Variants in NOTCH1 observed in about 807,000 individuals in gnomAD.
NOTCH1 encodes notch receptor 1.
Under a neutral mutation model 254.8 loss-of-function variants are expected in NOTCH1, and 37 were observed. The observed-to-expected ratio is 0.15, with a 90% CI of 0.11 to 0.19. The LOEUF (loss-of-function observed/expected upper bound fraction) is 0.19, where lower values mean the gene tolerates loss of function less well. Ranked by LOEUF, NOTCH1 falls within the 10% of genes least tolerant of loss-of-function variation. NOTCH1 has a pLI of 1.00. For synonymous variants in NOTCH1, 1,731 were observed against 1,618.1 expected, an observed-to-expected ratio of 1.07 and a Z score of -1.68; for missense variants, 2,972 against 3,708.6, an observed-to-expected ratio of 0.80 and a Z score of 5.16.
rs1406056612 is a variant in NOTCH1 at position 136,506,785 on chromosome 9, C to T, written c.3832G>A (p.Ala1278Thr). The change falls in exon 23 of 34, where the codon GCC becomes ACC. Residue 1278 changes from alanine (A) to threonine (T), a missense_variant. This residue lies in a region of NOTCH1 where 1,343 missense variants were observed against 1,557.0 expected (regional missense o/e 0.86). Coordinates refer to ENST00000651671, the MANE Select transcript of NOTCH1 (RefSeq NM_017617.5). The surrounding 1 kb of genome is among the most constrained non-coding windows in gnomAD (Gnocchi z 4.5). ...TGCACGCAGTTCTGGGTGCCACGGG[C>T]GTCGCAGGGATTGGACAGGCACTCG... ...VNECLSNPCD[A>T]RGTQNCVQRV... The T allele has an allele frequency of 6.2e-6, 10 of 1,610,498 alleles. No individual in the cohort carries two copies. Among genetic ancestry groups the T allele is most frequent in the South Asian group, 2.2e-5 (2 of 90,654 alleles).
In NOTCH1 at chr9:136,504,808, T is replaced by A. The variant is rs1317762745; in HGVS notation, c.4883A>T (p.Lys1628Met). ...CTCGGCGGCACGCTTGATGGGGTGCTTGCGCAGCTCCTCCTCGCGGCCGTA... is the reference window on the plus strand; with the variant it reads ...CTCGGCGGCACGCTTGATGGGGTGCATGCGCAGCTCCTCCTCGCGGCCGTA... ...PYYGREEELR[K>M]HPIKRAAEGW... is the part of the protein sequence containing the mutation. Residue 1628 changes from lysine (K) to methionine (M), a missense_variant, in exon 26 of 34, where the codon AAG (lysine) becomes ATG (methionine). Lys to Met is a moderately conservative substitution (Grantham distance 95). This residue lies in a region of NOTCH1 where 1,343 missense variants were observed against 1,557.0 expected (regional missense o/e 0.86). Coordinates refer to ENST00000651671, the MANE Select transcript of NOTCH1 (RefSeq NM_017617.5). 2.6e-6 allele frequency: 4 copies of A among 1,563,720 alleles called. No individual in the cohort carries two copies. Among genetic ancestry groups the A allele is most frequent in the Non-Finnish European group, 3.5e-6 (4 of 1,154,534 alleles).
intron 19 of NOTCH1, 107 bp downstream of exon 19, chr9:136,508,763 G>T: frequency 8.7e-7 from 1 of 1,155,876 alleles, no homozygotes; most frequent in Non-Finnish European, 1.2e-6. Context: ...GTGTGGGGGT[G>T]ACCCCGAGCC....
Position 136,522,926 on chromosome 9 carries a change from G to A in NOTCH1, c.666C>T (p.Cys222=), listed in dbSNP as rs764758073. The A allele has an allele frequency of 3.2e-6, 5 of 1,550,178 alleles. No homozygotes were observed. The East Asian group carries it at 9.7e-5, about 30-fold the overall frequency. Residue 222 remains cysteine (C), a synonymous_variant, in exon 4 of 34, where the codon TGC becomes TGT. Transcript: ENST00000651671. ...CCCCGTTCTGGCAGGGCGAGGGGCT[G>A]CAGGGCACGTAGGGCCGCTCGCAGT... ...GPNCERPYVP[C]SPSPCQNGGT...
rs11574889 is a variant in NOTCH1 at position 136,516,015 on chromosome 9, G to A, written c.1635C>T (p.Asp545=). The A allele has an allele frequency of 0.01, 16,616 of 1,611,970 alleles. 98 individuals carry two copies. Among genetic ancestry groups the A allele is most frequent in the Non-Finnish European group, 0.012 (14,380 of 1,179,812 alleles). ...TPCKNGAKCL[D]GPNTYTCVCT... is the part of the protein sequence containing the mutation. ...ACACACAGGTGTAAGTGTTGGGTCC[G>A]TCCAGGCACTTGGCACCATTCTTGC... The change falls in exon 10 of 34, where the codon GAC becomes GAT. Residue 545 remains aspartate (D), a synonymous_variant. Transcript: ENST00000651671.
At chr9:136,518,009 C>A (rs2133369382) in intron 7 of NOTCH1, 72 bp from the exon 8 acceptor site, 1 of 1,583,396 alleles carries the variant, frequency 6.3e-7, no homozygotes, top group Non-Finnish European at 8.5e-7. Flanking sequence ...GCACACCACC[C>A]CCATCGGACT....
chr9:136,536,744 C>A (rs1309581185), intron 2 of NOTCH1, among the ~76,000 whole-genome samples: 1 of 152,228 alleles, frequency 6.6e-6, no homozygotes, highest in African/African-American at 2.4e-5. Flanking sequence ...GCAGTGACTA[C>A]CCCTAGCTTG....
chr9:136,525,057 C>T (rs1589073492), intron 2 of NOTCH1, among the ~76,000 whole-genome samples: 1 of 152,200 alleles, frequency 6.6e-6, no homozygotes, highest in Admixed American at 6.5e-5. Flanking sequence ...CCCCCAGACA[C>T]GTTTCCCTTT....
chr9:136,504,361 G>A (rs1267647754), intron 26 of NOTCH1, among the ~76,000 whole-genome samples: 1 of 152,224 alleles, frequency 6.6e-6, no homozygotes, highest in African/African-American at 2.4e-5. Context: ...AATCAGTGTA[G>A]TATCCAGTGC....
chr9:136,518,507 G>T, intron 6 of NOTCH1, 84 bp downstream of exon 6: 2 of 1,320,742 alleles, frequency 1.5e-6, no homozygotes, highest in Non-Finnish European at 2.1e-6. Context: ...GGTGCAGGAG[G>T]GCCACAGTCC....
At chr9:136,531,152 C>T (rs1270492215) in intron 2 of NOTCH1, among the ~76,000 whole-genome samples, 1 of 152,240 alleles carries the variant, frequency 6.6e-6, no homozygotes, top group African/African-American at 2.4e-5. Context: ...CCGGCACACA[C>T]CAGCCCAGCA....
intron 4 of NOTCH1, among the ~76,000 whole-genome samples, chr9:136,521,181 C>A (rs1460904560): frequency 6.6e-6 from 1 of 152,150 alleles, no homozygotes; most frequent in Non-Finnish European, 1.5e-5. Flanking sequence ...GTCTGGCAGG[C>A]CTGAGTCATT....
chr9:136,517,574 C>T (rs1233894785), intron 8 of NOTCH1, among the ~76,000 whole-genome samples, 178 bp downstream of exon 8: 1 of 152,182 alleles, frequency 6.6e-6, no homozygotes, highest in Non-Finnish European at 1.5e-5. Context: ...TAGCACTGCC[C>T]CCGTGCTCTG....
At position 136,514,615 on chromosome 9, in the gene NOTCH1, G is replaced by T; in HGVS notation, c.2102C>A (p.Thr701Asn). Residue 701 changes from threonine to asparagine, a missense_variant, in exon 13 of 34, where the codon ACC (threonine) becomes AAC (asparagine). Thr to Asn is a moderately conservative substitution (Grantham distance 65, BLOSUM62 0). Around this residue, in one of 8 missense-constraint regions of NOTCH1, gnomAD observed 1,343 missense variants for 1,557.0 expected, o/e 0.86. Transcript: ENST00000651671. ...GTGGTAGCCCTCGGGGCAGCGGCAG[G>T]TGAAGCCATTGATGCCGTCCTCGCA... ...GTCEDGINGF[T>N]CRCPEGYHDP... 1.9e-6 allele frequency: 3 copies of T among 1,610,906 alleles called. No homozygotes were observed. Among genetic ancestry groups the T allele is most frequent in the Non-Finnish European group, 2.5e-6 (3 of 1,179,388 alleles).
intron 2 of NOTCH1, among the ~76,000 whole-genome samples, chr9:136,541,878 T>A (rs1263724488): frequency 6.6e-6 from 1 of 152,120 alleles, no homozygotes; most frequent in African/African-American, 2.4e-5. Flanking sequence ...GTGTGCACAA[T>A]GGGGTCTCTG....
intron 3 of NOTCH1, among the ~76,000 whole-genome samples, 180 bp downstream of exon 3, chr9:136,523,537 A>G (rs765100491): frequency 4.6e-5 from 7 of 152,164 alleles, no homozygotes; most frequent in Non-Finnish European, 1.0e-4. Context: ...GGCCAGAGCA[A>G]GCAGCTGAAA....
intron 33 of NOTCH1, 98 bp downstream of exon 33, chr9:136,498,801 G>T (rs1589054285): frequency 7.1e-7 from 1 of 1,409,006 alleles, no homozygotes; most frequent in Non-Finnish European, 1.0e-6. Context: ...AGACCCTGTG[G>T]GTCAGGCCCT....
At chr9:136,518,360 G>A in intron 6 of NOTCH1, 68 bp from the exon 7 acceptor site, 2 of 1,548,094 alleles carry the variant, frequency 1.3e-6, no homozygotes, top group South Asian at 1.2e-5. Flanking sequence ...CCACGGCTGG[G>A]GTCCAACCCC....
rs375349485 is a variant in NOTCH1 at position 136,515,544 on chromosome 9, G to A, written c.1842C>T (p.His614=). ...TGTCGCGGTCCTGGCAGGTGCCCCC[G>A]TGGCGGCAGGGCTGGCTGGAGCACT... ...INECSSQPCR[H]GGTCQDRDNA... is the part of the protein sequence containing the mutation. The change falls in exon 11 of 34, where the codon CAC becomes CAT. Residue 614 remains histidine (H), a synonymous_variant. Transcript: ENST00000651671. The A allele has an allele frequency of 2.0e-5, 33 of 1,611,584 alleles. No homozygotes were observed. The highest frequency in any genetic ancestry group is 1.2e-4 in the Admixed American group (7 of 60,000).
chr9:136,539,089 G>C (rs965457366), intron 2 of NOTCH1, among the ~76,000 whole-genome samples: 3 of 152,246 alleles, frequency 2.0e-5, no homozygotes, highest in Non-Finnish European at 4.4e-5. Flanking sequence ...GCATCTGGGG[G>C]TCCCCGCACC....
Sources: allele counts gnomAD v4.1 joint callset (sites outside exome capture counted in the v4.1 genomes callset), GRCh38; gene constraint gnomAD v4.1.1; regional missense constraint gnomAD v4.1.1; non-coding constraint Gnocchi (gnomAD v3.1); transcripts MANE v1.5; gene names NCBI Gene and HGNC (gene_info 2026-07-23, HGNC 2026-07-21).